The following MAP4K3 variants were observed in gnomAD, a reference collection of about 807,000 sequenced individuals.
MAP4K3 encodes MAPK/ERK kinase kinase kinase 3.
MAP4K3 carries 94 observed loss-of-function variants against 143.5 expected under a neutral mutation model. The ratio of observed to expected loss-of-function variants is 0.65; its 90% confidence interval spans 0.55 to 0.78. The LOEUF is 0.78. MAP4K3 is among the 30% of genes least tolerant of loss of function. MAP4K3 has a pLI of 0.00. For synonymous variants in MAP4K3, 416 were observed against 347.2 expected (o/e 1.20, Z -2.20); for missense variants, 1,077 against 1,068.1 (o/e 1.01, Z -0.12).
chr2:39,373,320 C>A (rs1389281670), intron 2 of MAP4K3, among the ~76,000 whole-genome samples: 4 of 152,020 alleles, frequency 2.6e-5, no homozygotes, highest in Non-Finnish European at 4.4e-5. Flanking sequence ...AAAAGGGAAC[C>A]CTCCTACACT....
At chr2:39,391,396 A>G (rs1666655106) in intron 1 of MAP4K3, among the ~76,000 whole-genome samples, 1 of 151,172 alleles carries the variant, frequency 6.6e-6, no homozygotes, top group Non-Finnish European at 1.5e-5. Flanking sequence ...GAAAGAAAGA[A>G]TATATACTAT....
At chr2:39,311,619 T>A (rs1482648934) in intron 13 of MAP4K3, among the ~76,000 whole-genome samples, 1 of 152,186 alleles carries the variant, frequency 6.6e-6, no homozygotes, top group Non-Finnish European at 1.5e-5. Context: ...CTGGAGGAAG[T>A]CACATTGTGA....
At chr2:39,321,540 G>T (rs1470551308) in intron 12 of MAP4K3, among the ~76,000 whole-genome samples, 1 of 152,096 alleles carries the variant, frequency 6.6e-6, no homozygotes, top group Non-Finnish European at 1.5e-5. Flanking sequence ...TGGCCTCGTG[G>T]GAAGGGGAAG....
At chr2:39,378,353 G>A (rs76042723) in intron 1 of MAP4K3, among the ~76,000 whole-genome samples, 1,677 of 152,124 alleles carry the variant, frequency 0.011, 14 homozygotes, top group Middle Eastern at 0.034. Context: ...ATGTTAGTAC[G>A]GATGTGCCAG....
Position 39,292,836 on chromosome 2 carries a change from A to T in MAP4K3, c.1218-10T>A, listed in dbSNP as rs776674214. On this transcript the variant is annotated splice_polypyrimidine_tract_variant and intron_variant, in intron 17 of 33. Coordinates refer to ENST00000263881, the MANE Select transcript of MAP4K3 (RefSeq NM_003618.4). ...ATGTGCGACGTGTCCTCTAAATAAA[A>T]AGGATAATGTCATTGTTATTAAATG... is the stretch of plus-strand genomic sequence containing the variant. 1.9e-6 allele frequency: 3 copies of T among 1,607,672 alleles called. No individual in the cohort carries two copies. In the African/African-American group the frequency reaches 4.0e-5, roughly 21 times the overall value.
At chr2:39,339,411 T>C (rs1055550981) in intron 4 of MAP4K3, among the ~76,000 whole-genome samples, 6 of 152,160 alleles carry the variant, frequency 3.9e-5, no homozygotes, top group Non-Finnish European at 8.8e-5. Flanking sequence ...AATAACCTTT[T>C]CAATTACTAG....
chr2:39,266,907 TA>T lies in MAP4K3; in HGVS notation c.2032+281del, dbSNP rs35049893. Among the ~76,000 whole-genome samples the T allele has an allele frequency of 1.9e-3, 274 of 147,310 alleles. 7 individuals are homozygous for T. In the East Asian group the frequency reaches 0.025, roughly 13 times the overall value. On this transcript the variant is annotated intron_variant, in intron 27 of 33. Transcript: ENST00000263881. ...GAAAACAGGGTGTGATAAAATGTGG[TA>T]AAAAAAAAAAAGTCATACAACTTTC...
intron 2 of MAP4K3, among the ~76,000 whole-genome samples, chr2:39,376,433 C>A (rs1487917898): frequency 6.6e-6 from 1 of 152,140 alleles, no homozygotes; most frequent in African/African-American, 2.4e-5. Context: ...TCAATATACA[C>A]ATGGCAGTGT....
chr2:39,337,895 G>C (rs545359371), intron 4 of MAP4K3, among the ~76,000 whole-genome samples: 42 of 151,428 alleles, frequency 2.8e-4, no homozygotes, highest in Middle Eastern at 6.8e-3. Flanking sequence ...GAGTGGCTGG[G>C]GGCATAGGTG....
chr2:39,284,849 G>GAATA (rs1211033439), intron 21 of MAP4K3, among the ~76,000 whole-genome samples: 22 of 150,612 alleles, frequency 1.5e-4, no homozygotes, highest in African/African-American at 4.6e-4. Context: ...ATCTCAAAAT[G>GAATA]AATAAATAAA....
At chr2:39,302,164 T>A (rs1006994249) in intron 15 of MAP4K3, among the ~76,000 whole-genome samples, 1 of 152,134 alleles carries the variant, frequency 6.6e-6, no homozygotes, top group Non-Finnish European at 1.5e-5. Flanking sequence ...ATATAGAGAA[T>A]AACATTCAGG....
At chr2:39,382,939 G>A (rs56850142) in intron 1 of MAP4K3, among the ~76,000 whole-genome samples, 11,084 of 152,242 alleles carry the variant, frequency 0.073, 597 homozygotes, top group African/African-American at 0.15. Context: ...ACATACAAAA[G>A]GGATGGGGAA....
At chr2:39,345,267 A>G (rs1665254289) in intron 3 of MAP4K3, among the ~76,000 whole-genome samples, 1 of 143,004 alleles carries the variant, frequency 7.0e-6, no homozygotes, top group South Asian at 2.2e-4. Flanking sequence ...AGTCTCACCT[A>G]CTCAGGAGGC....
intron 1 of MAP4K3, among the ~76,000 whole-genome samples, chr2:39,407,518 G>C (rs1025693602): frequency 3.3e-5 from 5 of 152,296 alleles, no homozygotes; most frequent in Non-Finnish European, 5.9e-5. Flanking sequence ...AATCATTCAG[G>C]AGAAAGGTTA....
intron 26 of MAP4K3, among the ~76,000 whole-genome samples, chr2:39,268,322 AATTTT>A (rs1301041451): frequency 4.6e-5 from 7 of 152,070 alleles, no homozygotes; most frequent in Non-Finnish European, 1.0e-4. Context: ...TTTATTATTA[AATTTT>A]ATTTTATTTT....
At chr2:39,254,884 T>G (rs1409329679) in intron 31 of MAP4K3, among the ~76,000 whole-genome samples, 1 of 152,126 alleles carries the variant, frequency 6.6e-6, no homozygotes, top group Non-Finnish European at 1.5e-5. Flanking sequence ...TCGGCCTGTT[T>G]TGGTAATTTT....
chr2:39,350,727 C>A (rs999658676), intron 3 of MAP4K3, among the ~76,000 whole-genome samples: 1 of 152,140 alleles, frequency 6.6e-6, no homozygotes, highest in Admixed American at 6.6e-5. Context: ...TCCCCTCCAC[C>A]CTAGGTCCAT....
At chr2:39,329,200 A>G (rs188260805) in intron 8 of MAP4K3, among the ~76,000 whole-genome samples, 51 of 152,364 alleles carry the variant, frequency 3.3e-4, no homozygotes, top group African/African-American at 1.1e-3. Flanking sequence ...AATATTGTAT[A>G]GAATCAAGTC....
chr2:39,426,028 TATTA>T (rs1350134095), intron 1 of MAP4K3, among the ~76,000 whole-genome samples: 1 of 152,184 alleles, frequency 6.6e-6, no homozygotes, highest in Non-Finnish European at 1.5e-5. Context: ...ATAATTTACT[TATTA>T]ATTAGAAAAG....
Sources: gnomAD v4.1 joint callset for allele counts (sites outside exome capture counted in the v4.1 genomes callset) on GRCh38, gnomAD v4.1.1 for gene constraint, MANE v1.5 for transcripts, NCBI Gene and HGNC (gene_info 2026-07-23, HGNC 2026-07-21) for gene names.